The following MGST1 variants were observed in gnomAD, a reference collection of about 807,000 sequenced individuals.
The protein encoded by MGST1 is glutathione S-transferase 12.
MGST1 carries 5 observed loss-of-function variants against 8.9 expected under a neutral mutation model. That is an observed-to-expected ratio of 0.56 (90% CI 0.29 to 1.19). MGST1 has a LOEUF of 1.19. Ranked by LOEUF, MGST1 falls within the 50% of genes most tolerant of loss-of-function variation. The probability of loss-of-function intolerance (pLI) is 0.08; values close to 1 mark genes in which losing one functional copy is unlikely to be tolerated. For synonymous variants in MGST1, 54 were observed against 67.8 expected (o/e 0.80, Z 1.00); for missense variants, 182 against 187.4 (o/e 0.97, Z 0.17).
intron 4 of MGST1, among the ~76,000 whole-genome samples, chr12:16,529,139 A>G (rs1440569081): frequency 6.6e-6 from 1 of 152,048 alleles, no homozygotes; most frequent in Non-Finnish European, 1.5e-5. Context: ...AGTGCTTCTT[A>G]TATAAACAAT....
intron 3 of MGST1, among the ~76,000 whole-genome samples, chr12:16,358,285 C>T (rs1939819349): frequency 6.6e-6 from 1 of 152,086 alleles, no homozygotes; most frequent in South Asian, 2.1e-4. Flanking sequence ...CCTTTGTCTC[C>T]CCTTCTGTAC....
downstream of MGST1, among the ~76,000 whole-genome samples, chr12:16,593,286 G>A (rs1391754693): frequency 6.6e-6 from 1 of 151,672 alleles, no homozygotes; most frequent in African/African-American, 2.4e-5. The surrounding 1 kb of genome is among the most constrained non-coding windows in gnomAD (Gnocchi z 4.2). Flanking sequence ...TATTTTCCCA[G>A]TAGCCCAGTT....
At chr12:16,419,299 T>C (rs979697801) in intron 1 of MGST1, among the ~76,000 whole-genome samples, 9 of 152,328 alleles carry the variant, frequency 5.9e-5, no homozygotes, top group Non-Finnish European at 1.2e-4. Context: ...GGGCATTATC[T>C]TCAAGATTCA....
intron 4 of MGST1, among the ~76,000 whole-genome samples, chr12:16,565,983 C>CACATATATAT (rs1942584768): frequency 2.3e-5 from 1 of 43,858 alleles, no homozygotes; most frequent in Non-Finnish European, 4.4e-5. Flanking sequence ...GAAAATGTGC[C>CACATATATAT]ATATATATAT....
In MGST1 at chr12:16,352,040, TGAAA is replaced by T. The variant is rs563067710; in HGVS notation, c.-22-2188_-22-2185del. ...TGAGAGCAGAATTAATCAAGCCTCT[TGAAA>T]GAGAGAGTATAGTGTAGTAACCGTA... On this transcript the variant is annotated intron_variant, in intron 1 of 3. Transcript: ENST00000396210. Among the ~76,000 whole-genome samples the T allele has an allele frequency of 2.2e-3, 329 of 152,304 alleles. 1 individual carries two copies. Among genetic ancestry groups the T allele is most frequent in the African/African-American group, 7.6e-3 (316 of 41,562 alleles).
At chr12:16,441,566 T>C (rs1195657325), downstream of MGST1, among the ~76,000 whole-genome samples, 4 of 151,908 alleles carry the variant, frequency 2.6e-5, no homozygotes, top group African/African-American at 9.7e-5. Context: ...CAGGATGTTA[T>C]ATAGTTGAAA....
chr12:16,490,856 T>C (rs896851797), intron 4 of MGST1, among the ~76,000 whole-genome samples: 3 of 151,996 alleles, frequency 2.0e-5, no homozygotes, highest in Non-Finnish European at 4.4e-5. Flanking sequence ...AAACTAAACT[T>C]CAATTTTTTA....
chr12:16,384,140 C>G (rs1389693166), intron 1 of MGST1, among the ~76,000 whole-genome samples: 1 of 151,960 alleles, frequency 6.6e-6, no homozygotes, highest in Middle Eastern at 3.2e-3. Context: ...TGCTGGGGTC[C>G]CCTGAGGGAA....
chr12:16,569,963 G>T (rs1303934963), intron 4 of MGST1, among the ~76,000 whole-genome samples: 3 of 152,042 alleles, frequency 2.0e-5, no homozygotes, highest in African/African-American at 7.2e-5. Flanking sequence ...ATGAAGGAAA[G>T]GCCAATCAGC....
chr12:16,399,083 G>A (rs953746083), intron 1 of MGST1, among the ~76,000 whole-genome samples: 1 of 152,162 alleles, frequency 6.6e-6, no homozygotes, highest in Non-Finnish European at 1.5e-5. Context: ...TCTGAATGGG[G>A]CCATTGGCAC....
chr12:16,476,865 G>C (rs539915649), intron 4 of MGST1, among the ~76,000 whole-genome samples: 2 of 152,322 alleles, frequency 1.3e-5, no homozygotes, highest in East Asian at 3.9e-4. Context: ...GAGGATTTCT[G>C]TATTGCAGAT....
intron 4 of MGST1, among the ~76,000 whole-genome samples, chr12:16,541,927 C>G (rs879074911): frequency 6.6e-6 from 1 of 152,162 alleles, no homozygotes; most frequent in Admixed American, 6.5e-5. Context: ...GTAAGTCAGT[C>G]ATGGTGACAA....
At chr12:16,408,783 A>G (rs1386884214) in intron 1 of MGST1, among the ~76,000 whole-genome samples, 21 of 152,010 alleles carry the variant, frequency 1.4e-4, no homozygotes, top group Admixed American at 1.2e-3. Flanking sequence ...TCTCTTTTCT[A>G]TATTTCCTCA....
rs1940096225 is a variant in MGST1, at chr12:16,363,604, AAAT to A, written c.222-187_222-185del. On this transcript the variant is annotated intron_variant, in intron 3 of 3. Coordinates refer to ENST00000396210, the MANE Select transcript of MGST1 (RefSeq NM_020300.5). The surrounding 1 kb of genome is among the most constrained non-coding windows in gnomAD (Gnocchi z 4.6). ...ATACACTAAAAATAAAAAGAAACAG[AAAT>A]AATGAGAGATTCTAAATAAAAGTCA... 1 of 419,022 alleles carries A rather than the reference AAAT, an allele frequency of 2.4e-6. No homozygotes were observed. Among genetic ancestry groups the A allele is most frequent in the Non-Finnish European group, 4.1e-6 (1 of 243,086 alleles). 26.0% of individuals were successfully genotyped at this position (419,022 alleles called of 1,614,324 possible).
intron 1 of MGST1, among the ~76,000 whole-genome samples, chr12:16,391,323 C>T (rs1313425228): frequency 6.6e-6 from 1 of 151,396 alleles, no homozygotes; most frequent in Non-Finnish European, 1.5e-5. Context: ...CCTTTCCCCC[C>T]ACCCCCCGAC....
intron 4 of MGST1, among the ~76,000 whole-genome samples, chr12:16,581,804 G>C (rs770711364): frequency 1.3e-5 from 2 of 151,648 alleles, no homozygotes; most frequent in African/African-American, 4.8e-5. Flanking sequence ...TTTAATAATT[G>C]TATTACTACT....
intron 4 of MGST1, among the ~76,000 whole-genome samples, chr12:16,469,193 T>TTC (rs1941275729): frequency 6.9e-6 from 1 of 145,100 alleles, no homozygotes; most frequent in Non-Finnish European, 1.5e-5. Context: ...TTTTTTTTTT[T>TTC]TTTTTTTGGA....
chr12:16,486,444 A>G (rs1029523365), intron 4 of MGST1, among the ~76,000 whole-genome samples: 4 of 152,252 alleles, frequency 2.6e-5, no homozygotes, highest in Non-Finnish European at 5.9e-5. Context: ...AATGTATAAA[A>G]TAATTGGCAA....
At chr12:16,447,746 A>C (rs943336549) in intron 4 of MGST1, among the ~76,000 whole-genome samples, 6 of 151,914 alleles carry the variant, frequency 3.9e-5, no homozygotes, top group Non-Finnish European at 7.4e-5. Flanking sequence ...GTCCTGGTGG[A>C]AGATTATGGT....
Sources: allele counts gnomAD v4.1 joint callset (sites outside exome capture counted in the v4.1 genomes callset), GRCh38; gene constraint gnomAD v4.1.1; non-coding constraint Gnocchi (gnomAD v3.1); transcripts MANE v1.5; gene names NCBI Gene and HGNC (gene_info 2026-07-23, HGNC 2026-07-21).